The following DOCK9 variants were observed in gnomAD, a reference collection of about 807,000 sequenced individuals.
DOCK9 encodes dedicator of cytokinesis protein 9.
A neutral mutation model predicts 263.3 loss-of-function variants in DOCK9; 89 were observed. The ratio of observed to expected loss-of-function variants is 0.34; its 90% CI spans 0.28 to 0.40. DOCK9 has a LOEUF of 0.40. Ranked by LOEUF, DOCK9 falls within the 10% of genes least tolerant of loss-of-function variation. The pLI is 1.00. For synonymous variants in DOCK9, 976 were observed against 973.1 expected, an observed-to-expected ratio of 1.00 and a Z score of -0.06; for missense variants, 2,140 against 2,603.4, an observed-to-expected ratio of 0.82 and a Z score of 3.87.
intron 1 of DOCK9, among the ~76,000 whole-genome samples, chr13:99,073,171 A>G (rs138527837): frequency 6.6e-6 from 1 of 152,192 alleles, no homozygotes; most frequent in Non-Finnish European, 1.5e-5. Context: ...AGATATTCTG[A>G]CCCGCATACC....
intron 50 of DOCK9, among the ~76,000 whole-genome samples, chr13:98,800,047 G>T (rs2089922296): frequency 1.3e-5 from 2 of 152,028 alleles, no homozygotes; most frequent in South Asian, 4.2e-4. Flanking sequence ...GACAAATCAG[G>T]GTAGTGTATG....
intron 50 of DOCK9, among the ~76,000 whole-genome samples, chr13:98,798,464 G>A (rs532975873): frequency 3.7e-4 from 57 of 152,334 alleles, no homozygotes; most frequent in African/African-American, 1.2e-3. Context: ...ACAGCCCAAG[G>A]TGCGTTGAGG....
At chr13:98,853,665 C>A in intron 34 of DOCK9, 143 bp from the exon 35 acceptor site, 1 of 658,494 alleles carries the variant, frequency 1.5e-6, no homozygotes, top group Non-Finnish European at 2.7e-6. Flanking sequence ...GACAATTAAA[C>A]CACAGGCACC....
chr13:98,903,217 C>T (rs2139502748), intron 10 of DOCK9, 105 bp from the exon 11 acceptor site: 1 of 886,400 alleles, frequency 1.1e-6, no homozygotes, highest in South Asian at 2.2e-5. Flanking sequence ...AAGCTATATA[C>T]ACTTATTTAC....
At chr13:98,972,191 G>A (rs1284112707) in intron 1 of DOCK9, among the ~76,000 whole-genome samples, 1 of 152,224 alleles carries the variant, frequency 6.6e-6, no homozygotes, top group Non-Finnish European at 1.5e-5. Flanking sequence ...GCCTCCTAGA[G>A]TTGTGAGGAT....
chr13:98,841,644 C>A lies in DOCK9; in HGVS notation c.4199-4035G>T, dbSNP rs186235559. Among the ~76,000 whole-genome samples the A allele has an allele frequency of 5.7e-3, 765 of 133,990 alleles. 10 individuals are homozygous for A. Among genetic ancestry groups the A allele is most frequent in the African/African-American group, 0.02 (712 of 35,846 alleles). The allele number at this position is 133,990 out of a possible 152,430, so 87.9% of individuals were successfully genotyped here. ...TTTTTTTTTTTTTTTTTTTTGGAGA[C>A]GAAGTCTCGCTTTGTCACCCAGGCT... is the stretch of plus-strand genomic sequence containing the variant. On this transcript the variant is annotated intron_variant, in intron 38 of 52. Transcript: ENST00000682017.
At chr13:98,862,295 T>C (rs1005217886) in intron 32 of DOCK9, among the ~76,000 whole-genome samples, 3 of 152,162 alleles carry the variant, frequency 2.0e-5, no homozygotes, top group African/African-American at 7.2e-5. Context: ...GAATGTACCC[T>C]TATTTGGAAA....
At chr13:98,811,526 T>C (rs1371408529) in intron 45 of DOCK9, among the ~76,000 whole-genome samples, 1 of 152,166 alleles carries the variant, frequency 6.6e-6, no homozygotes, top group East Asian at 1.9e-4. Flanking sequence ...CACTGTAACC[T>C]CTGTCTCCCA....
intron 1 of DOCK9, among the ~76,000 whole-genome samples, chr13:99,086,066 C>A (rs1030778908): frequency 7.0e-4 from 107 of 152,216 alleles, no homozygotes; most frequent in African/African-American, 2.4e-3. Context: ...TCTCCCCTGT[C>A]CAACTCCCTC....
chr13:98,850,171 C>T, intron 35 of DOCK9, 58 bp from the exon 36 acceptor site: 1 of 1,239,348 alleles, frequency 8.1e-7, no homozygotes, highest in South Asian at 1.6e-5. Context: ...TATGGAGAAT[C>T]ACCTGTTGTG....
In DOCK9 at chr13:98,989,191, T is replaced by G. The variant is rs193017401; in HGVS notation, c.130-33640A>C. Reference sequence around the variant, plus strand: ...TCATGAGACCCTCCAGAATATTCCATCCCAAAGAATATTTTCCTCCTTGGT... The same window carrying G: ...TCATGAGACCCTCCAGAATATTCCAGCCCAAAGAATATTTTCCTCCTTGGT... On this transcript the variant is annotated intron_variant, in intron 1 of 32. Coordinates refer to the DOCK9 transcript ENST00000427887. Among the ~76,000 whole-genome samples, 7 of 152,114 alleles carry G rather than the reference T, an allele frequency of 4.6e-5. No homozygotes were observed. In the East Asian group the frequency reaches 1.2e-3, roughly 25 times the overall value.
intron 30 of DOCK9, 75 bp downstream of exon 30, chr13:98,867,350 G>T: frequency 2.3e-6 from 2 of 863,220 alleles, no homozygotes; most frequent in Non-Finnish European, 3.7e-6. Context: ...TATCATGTTT[G>T]AATCAATTAT....
At chr13:98,869,820 C>T (rs990806522) in intron 27 of DOCK9, among the ~76,000 whole-genome samples, 7 of 152,244 alleles carry the variant, frequency 4.6e-5, no homozygotes, top group Non-Finnish European at 7.3e-5. Context: ...GGCCATGCTC[C>T]TAAAAGGAGC....
intron 1 of DOCK9, among the ~76,000 whole-genome samples, chr13:99,061,221 G>A (rs150684360): frequency 1.4e-4 from 21 of 152,282 alleles, no homozygotes; most frequent in African/African-American, 4.8e-4. Context: ...TGTCAATATG[G>A]CAAGACACTG....
At chr13:98,913,029 T>G (rs1566945660) in intron 9 of DOCK9, among the ~76,000 whole-genome samples, 1 of 152,128 alleles carries the variant, frequency 6.6e-6, no homozygotes, top group African/African-American at 2.4e-5. Flanking sequence ...TGGTTTACAA[T>G]GGTGGCACTA....
At chr13:99,082,862 G>A (rs541855652) in intron 1 of DOCK9, among the ~76,000 whole-genome samples, 18 of 152,284 alleles carry the variant, frequency 1.2e-4, no homozygotes, top group African/African-American at 3.1e-4. Context: ...TTGTACAGCT[G>A]GTGAGGCATA....
chr13:99,014,675 T>A (rs1449658392), intron 1 of DOCK9, among the ~76,000 whole-genome samples: 1 of 152,184 alleles, frequency 6.6e-6, no homozygotes, highest in Non-Finnish European at 1.5e-5. Flanking sequence ...TGAGATATAT[T>A]TGTCCCCACT....
chr13:98,900,368 A>C (rs1301939560), intron 13 of DOCK9, among the ~76,000 whole-genome samples: 2 of 152,174 alleles, frequency 1.3e-5, no homozygotes, highest in African/African-American at 2.4e-5. Context: ...TCGGGGGAGG[A>C]GATCTTATAT....
chr13:99,026,235 A>C (rs1427002288), intron 1 of DOCK9, among the ~76,000 whole-genome samples: 4 of 152,240 alleles, frequency 2.6e-5, no homozygotes, highest in African/African-American at 7.2e-5. Context: ...GAATATACTG[A>C]AAACCACTGA....
Sources: gnomAD v4.1 joint callset for allele counts (sites outside exome capture counted in the v4.1 genomes callset) on GRCh38, gnomAD v4.1.1 for gene constraint, MANE v1.5 for transcripts, NCBI Gene and HGNC (gene_info 2026-07-23, HGNC 2026-07-21) for gene names.